Variants in FAM185A observed in about 807,000 individuals in gnomAD.
The protein encoded by FAM185A is protein FAM185A.
In FAM185A, 21 loss-of-function variants were observed where a neutral mutation model predicts 45.7. The ratio of observed to expected loss-of-function variants is 0.46; its 90% CI spans 0.33 to 0.66. FAM185A has a LOEUF of 0.66. FAM185A is among the 30% of genes least tolerant of loss of function. The pLI, the probability that FAM185A is intolerant of heterozygous loss-of-function variation, is 0.03. For missense variants in FAM185A, 305 were observed against 485.4 expected (o/e 0.63, Z 3.49); for synonymous variants, 117 against 194.0 (o/e 0.60, Z 3.30).
Position 102,808,586 on chromosome 7 carries a change from G to C in FAM185A, c.*184G>C, listed in dbSNP as rs922682547. ...TATTGTATTCATTTTCTACTGCTCT[G>C]TAACAAATTACCACAAATTTAGCAG... On this transcript the variant is annotated 3_prime_UTR_variant, in exon 8 of 8. Coordinates refer to ENST00000413034, the MANE Select transcript of FAM185A (RefSeq NM_001145268.2). 4 of 562,936 alleles carry C rather than the reference G, an allele frequency of 7.1e-6. No individual in the cohort carries two copies. Among genetic ancestry groups the C allele is most frequent in the Admixed American group, 3.1e-5 (1 of 32,690 alleles). The allele number at this position is 562,936 out of a possible 1,614,324, so 34.9% of individuals were successfully genotyped here.
chr7:102,832,992 G>A, the FAM185A span: 1 of 1,613,390 alleles, frequency 6.2e-7, no homozygotes, highest in Non-Finnish European at 8.5e-7. Context: ...AAATTCCAAG[G>A]TCAAATTTTT....
chr7:102,829,441 T>C, the FAM185A span, among the ~76,000 whole-genome samples: 10 of 152,336 alleles, frequency 6.6e-5, no homozygotes, highest in East Asian at 1.9e-4. Context: ...CAGAGGTGCA[T>C]TGCAGAGACA....
the FAM185A span, among the ~76,000 whole-genome samples, chr7:102,826,913 ATGCTATATTT>A: frequency 0.016 from 2,413 of 150,328 alleles, 57 homozygotes; most frequent in African/African-American, 0.056. Context: ...ATGTTATATT[ATGCTATATTT>A]GGCTATTTCC....
chr7:102,830,204 A>AAACAAAT, the FAM185A span, among the ~76,000 whole-genome samples: 1 of 152,192 alleles, frequency 6.6e-6, no homozygotes, highest in African/African-American at 2.4e-5. Context: ...AAAAAACAAA[A>AAACAAAT]AACCAAAGCA....
At chr7:102,826,013 A>G in the FAM185A span, among the ~76,000 whole-genome samples, 1 of 152,230 alleles carries the variant, frequency 6.6e-6, no homozygotes, top group Non-Finnish European at 1.5e-5. Flanking sequence ...AGCTATAATT[A>G]TGATTATTCA....
intron 4 of FAM185A, among the ~76,000 whole-genome samples, chr7:102,766,233 A>G (rs1473081277): frequency 1.3e-5 from 2 of 152,300 alleles, no homozygotes; most frequent in Admixed American, 1.3e-4. Context: ...ATGATCCGGA[A>G]CAGTGACTAA....
intron 6 of FAM185A, among the ~76,000 whole-genome samples, chr7:102,781,224 T>G (rs1474000483): frequency 6.6e-6 from 1 of 152,140 alleles, no homozygotes; most frequent in Non-Finnish European, 1.5e-5. Context: ...CTCTGTAGAC[T>G]CCACATCTGG....
chr7:102,777,213 A>T (rs1164650674), intron 5 of FAM185A, 40 bp from the exon 6 acceptor site: 10 of 1,548,992 alleles, frequency 6.5e-6, no homozygotes, highest in African/African-American at 1.4e-5. Context: ...CCATTTATCA[A>T]GTAAGAATTA....
intron 2 of FAM185A, among the ~76,000 whole-genome samples, chr7:102,754,253 T>G (rs899722742): frequency 6.6e-6 from 1 of 151,726 alleles, no homozygotes; most frequent in Non-Finnish European, 1.5e-5. Flanking sequence ...CAGGCTGGAG[T>G]GCAATGACAC....
downstream of FAM185A, chr7:102,813,370 G>C: frequency 6.2e-7 from 1 of 1,613,860 alleles, no homozygotes; most frequent in Non-Finnish European, 8.5e-7. Context: ...ACTGCTGTAT[G>C]TTGACTTTTT....
downstream of FAM185A, among the ~76,000 whole-genome samples, chr7:102,810,969 C>G (rs1797395471): frequency 6.6e-6 from 1 of 152,142 alleles, no homozygotes; most frequent in Non-Finnish European, 1.5e-5. Flanking sequence ...TAGGATATCT[C>G]AGAGTCTCCT....
At chr7:102,832,409 C>A in the FAM185A span, among the ~76,000 whole-genome samples, 3 of 152,266 alleles carry the variant, frequency 2.0e-5, no homozygotes, top group Admixed American at 1.3e-4. Flanking sequence ...AGGAAAGATG[C>A]AAATTATTTG....
chr7:102,821,611 A>G, the FAM185A span, among the ~76,000 whole-genome samples: 1 of 152,220 alleles, frequency 6.6e-6, no homozygotes, highest in Non-Finnish European at 1.5e-5. Flanking sequence ...AAGGATTCTC[A>G]TTTTAAGCAT....
Position 102,808,555 on chromosome 7 carries a change from C to G in FAM185A, c.*153C>G, listed in dbSNP as rs1170197927. 1.6e-6 allele frequency: 1 copy of G among 606,916 alleles called. No homozygotes were observed. Among genetic ancestry groups the G allele is most frequent in the Non-Finnish European group, 2.9e-6 (1 of 342,922 alleles). The allele number at this position is 606,916 out of a possible 1,614,324, so 37.6% of individuals were successfully genotyped here. Reference sequence around the variant, plus strand: ...TTGGGAGGCTTTTTCAAAATTTGTGCTTTGCTATTGTATTCATTTTCTACT... The same window carrying G: ...TTGGGAGGCTTTTTCAAAATTTGTGGTTTGCTATTGTATTCATTTTCTACT... On this transcript the variant is annotated 3_prime_UTR_variant, in exon 8 of 8. Transcript: ENST00000413034.
intron 5 of FAM185A, among the ~76,000 whole-genome samples, chr7:102,775,761 C>CT (rs917099365): frequency 2.3e-4 from 35 of 151,680 alleles, no homozygotes; most frequent in African/African-American, 8.0e-4. Context: ...TTACACTTTT[C>CT]TTTTTTTTAG....
chr7:102,808,438 G>T lies in FAM185A; in HGVS notation c.*36G>T, dbSNP rs77718781. 11,116 of 1,230,628 alleles carry T rather than the reference G, an allele frequency of 9.0e-3. 629 individuals are homozygous for T. In the East Asian group the frequency reaches 0.14, roughly 16 times the overall value. 76.2% of individuals were successfully genotyped at this position (1,230,628 alleles called of 1,614,324 possible). ...AGTTGGATTTATGATTTTTAACAAT[G>T]ATTCGCAGATCTGTGACTACAAAAA... On this transcript the variant is annotated 3_prime_UTR_variant, in exon 8 of 8. Transcript: ENST00000413034.
chr7:102,804,454 T>C (rs1796986542), intron 7 of FAM185A, among the ~76,000 whole-genome samples: 1 of 152,174 alleles, frequency 6.6e-6, no homozygotes, highest in African/African-American at 2.4e-5. Context: ...TTTCAACAAA[T>C]AGTGCTGGGA....
rs150298495 is a variant in FAM185A, at chr7:102,797,134, G to A, written c.1066+9665G>A. 8.9e-3 allele frequency among the ~76,000 whole-genome samples: 1,358 copies of A among 152,242 alleles called. 28 individuals are homozygous for A. Among genetic ancestry groups the A allele is most frequent in the East Asian group, 0.064 (331 of 5,178 alleles). ...AAGATTTCTTGTCAAGGTATCTTGG[G>A]TTACACTTTTGTTGAGAGAAGATTG... On this transcript the variant is annotated intron_variant, in intron 7 of 7. Coordinates refer to ENST00000413034, the MANE Select transcript of FAM185A (RefSeq NM_001145268.2).
At chr7:102,834,111 AAAG>A in the FAM185A span, among the ~76,000 whole-genome samples, 138 of 114,268 alleles carry the variant, frequency 1.2e-3, 1 homozygote, top group African/African-American at 3.0e-3. Context: ...AGAAAGAAAG[AAAG>A]AAAGAAAGAA....
Sources: gnomAD v4.1 joint callset for allele counts (sites outside exome capture counted in the v4.1 genomes callset) on GRCh38, gnomAD v4.1.1 for gene constraint, MANE v1.5 for transcripts, NCBI Gene and HGNC (gene_info 2026-07-23, HGNC 2026-07-21) for gene names.